SLC2A9: variants seen among roughly 807,000 people sequenced by gnomAD.
SLC2A9 encodes the protein solute carrier family 2, facilitated glucose transporter member 9.
Under a neutral mutation model 50.6 loss-of-function variants are expected in SLC2A9, and 39 were observed. The observed-to-expected ratio is 0.77, with a 90% confidence interval of 0.60 to 1.01. The LOEUF is 1.01. SLC2A9 is among the 50% of genes least tolerant of loss of function. SLC2A9 has a pLI of 0.00. For synonymous variants in SLC2A9, 324 were observed against 276.9 expected (o/e 1.17, Z -1.69); for missense variants, 686 against 677.6 (o/e 1.01, Z -0.14).
chr4:10,040,200 G>A (rs1560515064), exon 1 of SLC2A9: 2 of 152,188 alleles, frequency 1.3e-5, no homozygotes, highest in Admixed American at 6.5e-5. Flanking sequence ...TGCCCCTCTG[G>A]AGTCCAGAAT....
At chr4:9,985,891 GA>G in intron 3 of SLC2A9, 98 bp from the exon 4 acceptor site, 1 of 1,550,594 alleles carries the variant, frequency 6.4e-7, no homozygotes, top group Non-Finnish European at 8.8e-7. Context: ...TCTGAAGGGT[GA>G]GTAGAGCAAG....
At chr4:9,929,236 C>G (rs1008069171) in intron 6 of SLC2A9, among the ~76,000 whole-genome samples, 2 of 152,250 alleles carry the variant, frequency 1.3e-5, no homozygotes, top group Admixed American at 1.3e-4. Context: ...ATGAAGCTTG[C>G]ACATGGGCAG....
chr4:9,985,842 T>A lies in SLC2A9; in HGVS notation c.411-49A>T, dbSNP rs1447073460. 5.0e-6 allele frequency: 8 copies of A among 1,613,140 alleles called. No homozygotes were observed. The South Asian group carries it at 7.7e-5, about 16-fold the overall frequency. ...TGAAGATGTCTAACCATGAGGCATG[T>A]CACTGAACTGTCCATCCCAGGAGCA... On this transcript the variant is annotated intron_variant, in intron 3 of 11. Coordinates refer to ENST00000264784, the MANE Select transcript of SLC2A9 (RefSeq NM_020041.3).
intron 3 of SLC2A9, chr4:9,783,839 G>A (rs926016707): frequency 4.7e-6 from 1 of 213,134 alleles, no homozygotes; most frequent in Non-Finnish European, 1.0e-5. Flanking sequence ...TTAAACAGCA[G>A]GTTGTGTGTG....
chr4:10,007,468 G>A (rs1445984129), intron 2 of SLC2A9, among the ~76,000 whole-genome samples: 1 of 152,228 alleles, frequency 6.6e-6, no homozygotes, highest in African/African-American at 2.4e-5. Context: ...AGAGCCTCCT[G>A]GGTTTCCCCT....
intron 5 of SLC2A9, among the ~76,000 whole-genome samples, chr4:9,951,132 T>C (rs144582764): frequency 1.3e-5 from 2 of 152,312 alleles, no homozygotes; most frequent in Admixed American, 6.5e-5. Context: ...TTGGTATATA[T>C]ACATCATGGA....
chr4:10,019,970 A>G (rs1360206386), intron 1 of SLC2A9, among the ~76,000 whole-genome samples: 1 of 152,214 alleles, frequency 6.6e-6, no homozygotes, highest in Non-Finnish European at 1.5e-5. Flanking sequence ...GTCAGGGAAT[A>G]CAGGCCAAGT....
chr4:9,805,456 T>C (rs1721991120), intron 3 of SLC2A9, among the ~76,000 whole-genome samples: 1 of 152,178 alleles, frequency 6.6e-6, no homozygotes, highest in African/African-American at 2.4e-5. Flanking sequence ...CCCAGCACTT[T>C]GAGAGGCTGA....
chr4:9,867,592 G>A (rs551376071), intron 10 of SLC2A9, among the ~76,000 whole-genome samples: 3 of 152,272 alleles, frequency 2.0e-5, no homozygotes, highest in East Asian at 1.9e-4. Context: ...AGAGATAGAC[G>A]GGCGGCTATT....
At chr4:9,783,834 C>T (rs1718855586) in intron 3 of SLC2A9, 2 of 214,946 alleles carry the variant, frequency 9.3e-6, no homozygotes, top group South Asian at 1.0e-4. Flanking sequence ...GATTTTTAAA[C>T]AGCAGGTTGT....
chr4:9,793,408 G>A (rs1720208465), intron 3 of SLC2A9, among the ~76,000 whole-genome samples: 1 of 152,144 alleles, frequency 6.6e-6, no homozygotes, highest in East Asian at 1.9e-4. Flanking sequence ...AACACTCCTG[G>A]TCCTTGGGAA....
In SLC2A9 at chr4:9,946,941, G is replaced by T. The variant is rs142509703; in HGVS notation, c.682-4896C>A. Among the ~76,000 whole-genome samples the T allele has an allele frequency of 4.2e-3, 636 of 152,222 alleles. 5 individuals are homozygous for T. Among genetic ancestry groups the T allele is most frequent in the African/African-American group, 0.014 (584 of 41,524 alleles). On this transcript the variant is annotated intron_variant, in intron 5 of 11. Coordinates refer to ENST00000264784, the MANE Select transcript of SLC2A9 (RefSeq NM_020041.3). ...TATAAAATAATAATCAAAATCAACT[G>T]AATTGAATGGATTGACTGACACTTC...
At position 9,955,474 on chromosome 4, in the gene SLC2A9, C is replaced by A. The variant is rs1262504944; in HGVS notation, c.682-13429G>T. Among the ~76,000 whole-genome samples, 3 of 39,586 alleles carry A rather than the reference C, an allele frequency of 7.6e-5. 1 individual carries two copies. Among genetic ancestry groups the A allele is most frequent in the Non-Finnish European group, 1.4e-4 (3 of 21,404 alleles). 26.0% of individuals were successfully genotyped at this position (39,586 alleles called of 152,430 possible). A position where few individuals can be genotyped will look rare whatever the true frequency, so the allele number is the denominator to read the frequency against. On this transcript the variant is annotated intron_variant, in intron 5 of 11. Coordinates refer to ENST00000264784, the MANE Select transcript of SLC2A9 (RefSeq NM_020041.3). ...TGCGCCACTGCACTCCCGCCTGGGC[C>A]ACAGAGCGAGACTCCGTCTCAAAAA...
rs1369972839 is a variant in SLC2A9, at chr4:9,834,909, G to A, written c.1391C>T (p.Ala464Val). ...AGTVNWLSNF[A>V]VGLLFPFIQK... Reference sequence around the variant, plus strand: ...AATGAATGGGAAGAGGAGCCCAACAGCAAAGTTGGAGAGCCAGTTGACGGT... The same window carrying A: ...AATGAATGGGAAGAGGAGCCCAACAACAAAGTTGGAGAGCCAGTTGACGGT... Residue 464 changes from alanine (A) to valine (V), a missense_variant, in exon 11 of 12, where the codon GCT becomes GTT. Transcript: ENST00000264784. The A allele has an allele frequency of 1.2e-6, 2 of 1,614,144 alleles. No individual in the cohort carries two copies. Among genetic ancestry groups the A allele is most frequent in the East Asian group, 2.2e-5 (1 of 44,882 alleles).
intron 5 of SLC2A9, among the ~76,000 whole-genome samples, chr4:9,976,563 A>G (rs1754834544): frequency 2.0e-5 from 3 of 152,230 alleles, no homozygotes. Context: ...CCCAGAGCAT[A>G]CATTTGAAAA....
chr4:9,812,900 G>A (rs1243211182), intron 3 of SLC2A9, among the ~76,000 whole-genome samples: 4 of 152,140 alleles, frequency 2.6e-5, no homozygotes, highest in Admixed American at 2.6e-4. Flanking sequence ...GTACAAATTT[G>A]CCAGGGGAAG....
intron 10 of SLC2A9, chr4:9,880,061 T>C (rs1734942899): frequency 1.0e-6 from 1 of 985,326 alleles, no homozygotes; most frequent in Non-Finnish European, 1.2e-6. Context: ...GGCCCATGAG[T>C]CTCTCTGCCA....
intron 10 of SLC2A9, among the ~76,000 whole-genome samples, chr4:9,870,168 C>T (rs184009905): frequency 2.0e-5 from 3 of 152,350 alleles, no homozygotes; most frequent in East Asian, 1.9e-4. Context: ...ACTGAAGCCT[C>T]GATCTCTGCC....
At chr4:9,942,079 G>A in intron 5 of SLC2A9, 34 bp from the exon 6 acceptor site, 1 of 1,613,314 alleles carries the variant, frequency 6.2e-7, no homozygotes, top group Non-Finnish European at 8.5e-7. Flanking sequence ...GAGTGCAGTG[G>A]CCTTTGGTCA....
Sources: gnomAD v4.1 joint callset for allele counts (sites outside exome capture counted in the v4.1 genomes callset) on GRCh38, gnomAD v4.1.1 for gene constraint, MANE v1.5 for transcripts, NCBI Gene and HGNC (gene_info 2026-07-23, HGNC 2026-07-21) for gene names.